MAGI2: variants seen among roughly 807,000 people sequenced by gnomAD.
MAGI2 encodes the protein membrane-associated guanylate kinase, WW and PDZ domain-containing protein 2.
In MAGI2, 35 loss-of-function variants were observed where a neutral mutation model predicts 133.3. The ratio of observed to expected loss-of-function variants is 0.26; its 90% CI spans 0.20 to 0.35. The LOEUF is 0.35. Ranked by LOEUF, MAGI2 falls within the 10% of genes least tolerant of loss-of-function variation. MAGI2 has a pLI of 1.00. For missense variants in MAGI2, 1,636 were observed against 1,863.4 expected (o/e 0.88, Z 2.25); for synonymous variants, 729 against 710.6 (o/e 1.03, Z -0.41).
At position 79,351,847 on chromosome 7, in the gene MAGI2, G is replaced by A. The variant is rs533661380; in HGVS notation, c.301+101173C>T. On this transcript the variant is annotated intron_variant, in intron 1 of 21. Transcript: ENST00000354212. ...TCAATATTTTAAAGTGCCAGGCATT[G>A]TGGTGAGTGATTAAAAATGTCCACT... 6 of 152,284 alleles carry A rather than the reference G, an allele frequency of 3.9e-5. No individual in the cohort carries two copies. The South Asian group carries it at 1.0e-3, about 26-fold the overall frequency. The allele number at this position is 152,284 out of a possible 1,614,324, so 9.4% of individuals were successfully genotyped here.
At chr7:78,284,014 A>C (rs1237789576) in intron 9 of MAGI2, among the ~76,000 whole-genome samples, 1 of 152,160 alleles carries the variant, frequency 6.6e-6, no homozygotes, top group African/African-American at 2.4e-5. Flanking sequence ...ACACAACATT[A>C]AATAAATGCC....
chr7:78,346,447 G>T (rs772507930), intron 7 of MAGI2, among the ~76,000 whole-genome samples: 1 of 152,170 alleles, frequency 6.6e-6, no homozygotes, highest in Non-Finnish European at 1.5e-5. Flanking sequence ...ATATCCAACA[G>T]GATAAATGTG....
intron 6 of MAGI2, among the ~76,000 whole-genome samples, chr7:78,477,205 C>T (rs1791861542): frequency 1.3e-5 from 2 of 151,848 alleles, no homozygotes; most frequent in Non-Finnish European, 2.9e-5. Context: ...CACTTAATGC[C>T]TGGCAGTGTG....
chr7:78,655,454 C>CAAAAAAAAAAAAAAAAAAAAAAAAAA, intron 2 of MAGI2, among the ~76,000 whole-genome samples: 3 of 64,950 alleles, frequency 4.6e-5, no homozygotes, highest in African/African-American at 6.3e-5. Flanking sequence ...AAAAAACAAC[C>CAAAAAAAAAAAAAAAAAAAAAAAAAA]AAAAAAAAAA....
At chr7:79,283,986 T>C (rs1333014348) in intron 1 of MAGI2, among the ~76,000 whole-genome samples, 1 of 152,106 alleles carries the variant, frequency 6.6e-6, no homozygotes, top group Non-Finnish European at 1.5e-5. Context: ...TTGTATTCAG[T>C]ACAGTAACAT....
At chr7:78,747,888 T>G (rs1823076950) in intron 2 of MAGI2, among the ~76,000 whole-genome samples, 1 of 152,158 alleles carries the variant, frequency 6.6e-6, no homozygotes, top group Non-Finnish European at 1.5e-5. Context: ...AGTTTCTACG[T>G]GAAGAGTTTG....
chr7:79,200,817 T>C (rs1372827570), intron 1 of MAGI2, among the ~76,000 whole-genome samples: 1 of 151,908 alleles, frequency 6.6e-6, no homozygotes, highest in East Asian at 1.9e-4. Context: ...ATTACTTCTA[T>C]AGCTTCATTT....
At chr7:78,274,249 C>T (rs1267439432) in intron 9 of MAGI2, among the ~76,000 whole-genome samples, 1 of 152,210 alleles carries the variant, frequency 6.6e-6, no homozygotes, top group Non-Finnish European at 1.5e-5. Flanking sequence ...CCCTGTTTGC[C>T]TGGGTATCAC....
intron 1 of MAGI2, among the ~76,000 whole-genome samples, chr7:79,128,452 C>G (rs1455644037): frequency 1.3e-5 from 2 of 152,106 alleles, no homozygotes; most frequent in Admixed American, 1.3e-4. Context: ...AATAAAAACT[C>G]TAAGTTGTAA....
intron 6 of MAGI2, among the ~76,000 whole-genome samples, chr7:78,404,580 A>G (rs888463002): frequency 1.3e-5 from 2 of 152,208 alleles, no homozygotes; most frequent in African/African-American, 4.8e-5. Context: ...AGGATTCCCT[A>G]TTTAATAAAT....
At chr7:78,140,902 T>G (rs927476835) in intron 16 of MAGI2, among the ~76,000 whole-genome samples, 2 of 152,072 alleles carry the variant, frequency 1.3e-5, no homozygotes, top group Non-Finnish European at 2.9e-5. Context: ...TTTATAAAAA[T>G]ACATAAAGCA....
intron 1 of MAGI2, among the ~76,000 whole-genome samples, chr7:79,338,745 C>T (rs1840673917): frequency 6.6e-6 from 1 of 152,002 alleles, no homozygotes; most frequent in African/African-American, 2.4e-5. Flanking sequence ...ATTTTTGCTC[C>T]CTTGAGATGA....
rs143841602 is a variant in MAGI2 at position 78,287,259 on chromosome 7, G to T, written c.1409-30678C>A. 4.3e-3 allele frequency among the ~76,000 whole-genome samples: 656 copies of T among 152,302 alleles called. 2 individuals are homozygous for T. The highest frequency in any genetic ancestry group is 0.016 in the South Asian group (77 of 4,828). ...TGATTTCTGAAGAGGGATTGTCAAG[G>T]TTTATTAAATGTGGAGTTCAGAGAG... On this transcript the variant is annotated intron_variant, in intron 9 of 21. Coordinates refer to ENST00000354212, the MANE Select transcript of MAGI2 (RefSeq NM_012301.4).
chr7:78,649,792 G>T (rs1811349386), intron 2 of MAGI2, among the ~76,000 whole-genome samples: 1 of 152,054 alleles, frequency 6.6e-6, no homozygotes, highest in Non-Finnish European at 1.5e-5. Flanking sequence ...TCTGGGTTAG[G>T]TAAGTTATTT....
chr7:78,480,322 T>C (rs928028288), intron 6 of MAGI2, among the ~76,000 whole-genome samples: 1 of 151,806 alleles, frequency 6.6e-6, no homozygotes, highest in African/African-American at 2.4e-5. Context: ...GGAATGCTTA[T>C]CTACTCATTT....
intron 1 of MAGI2, among the ~76,000 whole-genome samples, chr7:79,415,896 G>T (rs569563625): frequency 1.3e-5 from 2 of 152,210 alleles, no homozygotes; most frequent in Admixed American, 6.5e-5. Context: ...AACTGGCCTG[G>T]GTCGGGGAAT....
At chr7:79,044,588 G>C (rs980615402) in intron 1 of MAGI2, among the ~76,000 whole-genome samples, 1 of 152,046 alleles carries the variant, frequency 6.6e-6, no homozygotes, top group Non-Finnish European at 1.5e-5. Context: ...TTGGGCAAGA[G>C]AAAGAAATAA....
At chr7:78,558,196 A>G (rs778096874) in intron 3 of MAGI2, among the ~76,000 whole-genome samples, 9 of 152,186 alleles carry the variant, frequency 5.9e-5, no homozygotes, top group Admixed American at 1.3e-4. Flanking sequence ...TCTCACTTTT[A>G]ATATATTTAT....
At chr7:78,216,700 C>T (rs1488859452) in intron 10 of MAGI2, among the ~76,000 whole-genome samples, 1 of 152,214 alleles carries the variant, frequency 6.6e-6, no homozygotes, top group African/African-American at 2.4e-5. Flanking sequence ...GAGGTAACTT[C>T]CCAGACTTGT....
Sources: gnomAD v4.1 joint callset for allele counts (sites outside exome capture counted in the v4.1 genomes callset) on GRCh38, gnomAD v4.1.1 for gene constraint, MANE v1.5 for transcripts, NCBI Gene and HGNC (gene_info 2026-07-23, HGNC 2026-07-21) for gene names.